RNF8: variants seen among roughly 807,000 people sequenced by gnomAD.
RNF8 encodes E3 ubiquitin-protein ligase RNF8.
RNF8 carries 8 observed loss-of-function variants against 59.3 expected under a neutral mutation model. The ratio of observed to expected loss-of-function variants is 0.13; its 90% confidence interval spans 0.08 to 0.24. The LOEUF is 0.24. Ranked by LOEUF, RNF8 falls within the 10% of genes least tolerant of loss-of-function variation. RNF8 has a pLI of 1.00. For missense variants in RNF8, 406 were observed against 572.6 expected, an observed-to-expected ratio of 0.71 and a Z score of 2.97; for synonymous variants, 162 against 200.0, an observed-to-expected ratio of 0.81 and a Z score of 1.60.
At chr6:37,356,199 T>C (rs1297800279) in intron 1 of RNF8, among the ~76,000 whole-genome samples, 1 of 152,158 alleles carries the variant, frequency 6.6e-6, no homozygotes, top group African/African-American at 2.4e-5. Flanking sequence ...ATAAACTCAG[T>C]GGTAAGACTG....
rs1478116129 is a variant in RNF8 at position 37,356,630 on chromosome 6, G to A, written c.111+2355G>A. On this transcript the variant is annotated intron_variant, in intron 1 of 7. Transcript: ENST00000373479. ...GTACTATAAAGTATCTAGGCCTTTG[G>A]GGAAAACAACAGAACCTTCTCTCCC... Among the ~76,000 whole-genome samples, 6 of 152,082 alleles carry A rather than the reference G, an allele frequency of 3.9e-5. No individual in the cohort carries two copies. The East Asian group carries it at 7.7e-4, about 20-fold the overall frequency.
intron 1 of RNF8, 151 bp downstream of exon 1, chr6:37,354,426 T>G: frequency 6.3e-6 from 4 of 634,546 alleles, no homozygotes; most frequent in Non-Finnish European, 1.0e-5. Context: ...GGGGGGTGGA[T>G]TCCTGGGGAG....
intron 7 of RNF8, among the ~76,000 whole-genome samples, chr6:37,389,218 C>T (rs903594832): frequency 3.1e-4 from 47 of 151,450 alleles, no homozygotes; most frequent in African/African-American, 1.0e-3. Flanking sequence ...GAGAAGTCAG[C>T]GTTTGAAATG....
intron 7 of RNF8, among the ~76,000 whole-genome samples, chr6:37,390,259 AAAATC>A (rs371034602): frequency 1.3e-5 from 2 of 152,204 alleles, no homozygotes; most frequent in African/African-American, 4.8e-5. Flanking sequence ...GCTATGGAGA[AAAATC>A]AAGCAAGAAG....
At chr6:37,384,786 G>T in intron 7 of RNF8, among the ~76,000 whole-genome samples, 1 of 152,168 alleles carries the variant, frequency 6.6e-6, no homozygotes, top group East Asian at 1.9e-4. Flanking sequence ...ATGTTTGAAG[G>T]AGTGGCAGCA....
rs767435969 is a variant in RNF8, at chr6:37,381,352, A to G, written c.1439A>G (p.Lys480Arg). The change falls in exon 7 of 8, where the codon AAA (lysine) becomes AGA (arginine). Residue 480 changes from lysine to arginine, a missense_variant and splice_region_variant. Lys to Arg is a conservative substitution (Grantham distance 26). Around this residue, in one of 3 missense-constraint regions of RNF8, gnomAD observed 59 missense variants for 118.5 expected, o/e 0.50. Coordinates refer to ENST00000373479, the MANE Select transcript of RNF8 (RefSeq NM_003958.4). The part of the protein sequence containing the change: ...ERRIVLIRER[K>R]AKRLF ...CGAATTGTTCTCATTAGGGAACGAA[A>G]AGGTGAGTGGGTGTGAGAATTCCTA... 2.5e-6 allele frequency: 4 copies of G among 1,613,854 alleles called. No homozygotes were observed. The South Asian group carries it at 4.4e-5, about 18-fold the overall frequency.
chr6:37,373,702 C>T (rs573535001), intron 4 of RNF8, among the ~76,000 whole-genome samples: 3 of 152,300 alleles, frequency 2.0e-5, no homozygotes, highest in South Asian at 2.1e-4. Flanking sequence ...TGAGCTACCA[C>T]GCCCGGCCAT....
intron 7 of RNF8, among the ~76,000 whole-genome samples, chr6:37,382,892 C>T (rs1002374395): frequency 5.9e-5 from 9 of 151,398 alleles, no homozygotes; most frequent in African/African-American, 2.2e-4. Context: ...GCAAGAGAAT[C>T]GTTTGAACCT....
intron 4 of RNF8, among the ~76,000 whole-genome samples, chr6:37,373,237 A>T (rs982402126): frequency 7.5e-5 from 11 of 145,882 alleles, no homozygotes; most frequent in Non-Finnish European, 1.2e-4. Flanking sequence ...TATAGTTAGA[A>T]ATGGGTCCAG....
chr6:37,361,563 G>A (rs1211219017), intron 2 of RNF8: 3 of 340,386 alleles, frequency 8.8e-6, no homozygotes, highest in Non-Finnish European at 1.7e-5. Flanking sequence ...TATGAGGTGA[G>A]AGAAATTCTA....
At chr6:37,367,328 G>A (rs1185475674) in intron 2 of RNF8, among the ~76,000 whole-genome samples, 1 of 152,154 alleles carries the variant, frequency 6.6e-6, no homozygotes, top group African/African-American at 2.4e-5. Context: ...TACAAACCCA[G>A]GCAGTCTGAC....
intron 2 of RNF8, among the ~76,000 whole-genome samples, chr6:37,367,207 AC>A (rs1769593880): frequency 6.6e-6 from 1 of 152,122 alleles, no homozygotes; most frequent in South Asian, 2.1e-4. Context: ...CCACACAGAC[AC>A]CATGAGGGAG....
intron 7 of RNF8, among the ~76,000 whole-genome samples, chr6:37,384,401 C>CA (rs1236231794): frequency 6.6e-6 from 1 of 152,178 alleles, no homozygotes; most frequent in Non-Finnish European, 1.5e-5. Flanking sequence ...CTCCGCCCCC[C>CA]AAAGTGCTGG....
chr6:37,386,611 G>T (rs947303321), intron 7 of RNF8, among the ~76,000 whole-genome samples: 1 of 152,208 alleles, frequency 6.6e-6, no homozygotes, highest in African/African-American at 2.4e-5. Flanking sequence ...ACCCTGAGGA[G>T]TCCAATGCAG....
At chr6:37,374,910 C>T (rs1022984335) in intron 5 of RNF8, among the ~76,000 whole-genome samples, 2 of 152,194 alleles carry the variant, frequency 1.3e-5, no homozygotes, top group Admixed American at 1.3e-4. Flanking sequence ...TGTTCAGAAG[C>T]AAAATGCTGG....
chr6:37,368,331 TC>T, intron 2 of RNF8, 152 bp from the exon 3 acceptor site: 1 of 1,578,918 alleles, frequency 6.3e-7, no homozygotes, highest in Non-Finnish European at 8.6e-7. Flanking sequence ...GAATGCTGTT[TC>T]TAAGGATGGT....
At chr6:37,374,500 A>G in intron 4 of RNF8, 120 bp from the exon 5 acceptor site, 1 of 695,072 alleles carries the variant, frequency 1.4e-6, no homozygotes, top group South Asian at 1.8e-5. Flanking sequence ...TGAAATTGCC[A>G]ATTTATCGAT....
At chr6:37,384,404 A>T (rs1770409360) in intron 7 of RNF8, among the ~76,000 whole-genome samples, 1 of 152,062 alleles carries the variant, frequency 6.6e-6, no homozygotes, top group South Asian at 2.1e-4. Flanking sequence ...CGCCCCCCAA[A>T]GTGCTGGGAT....
Position 37,394,047 on chromosome 6 carries a change from C to T in RNF8, c.*3289C>T, listed in dbSNP as rs1770796902. The T allele has an allele frequency of 6.6e-6, 1 of 152,172 alleles. No individual in the cohort carries two copies. Among genetic ancestry groups the T allele is most frequent in the Non-Finnish European group, 1.5e-5 (1 of 68,032 alleles). 9.4% of individuals were successfully genotyped at this position (152,172 alleles called of 1,614,324 possible). A position where few individuals can be genotyped will look rare whatever the true frequency, so the allele number is the denominator to read the frequency against. ...GTATGTTTATCTCGACACTGAACCC[C>T]CTAGGCTTCTGATGAATCCAGTGAT... On this transcript the variant is annotated 3_prime_UTR_variant, in exon 8 of 8. Coordinates refer to ENST00000373479, the MANE Select transcript of RNF8 (RefSeq NM_003958.4).
Sources: allele counts gnomAD v4.1 joint callset (sites outside exome capture counted in the v4.1 genomes callset), GRCh38; gene constraint gnomAD v4.1.1; regional missense constraint gnomAD v4.1.1; transcripts MANE v1.5; gene names NCBI Gene and HGNC (gene_info 2026-07-23, HGNC 2026-07-21).